The following TENM2 variants were observed in gnomAD, a reference collection of about 807,000 sequenced individuals.
TENM2 encodes the protein teneurin-2.
Under a neutral mutation model 245.2 loss-of-function variants are expected in TENM2, and 52 were observed. That is an observed-to-expected ratio of 0.21 (90% CI 0.17 to 0.27). The LOEUF is 0.27. Ranked by LOEUF, TENM2 falls within the 10% of genes least tolerant of loss-of-function variation. The pLI, the probability that TENM2 is intolerant of heterozygous loss-of-function variation, is 1.00. For missense variants in TENM2, 3,046 were observed against 3,666.8 expected (o/e 0.83, Z 4.37); for synonymous variants, 1,363 against 1,438.9 (o/e 0.95, Z 1.19).
intron 1 of TENM2, among the ~76,000 whole-genome samples, chr5:167,371,312 G>C (rs1376584074): frequency 6.7e-6 from 1 of 150,184 alleles, no homozygotes; most frequent in East Asian, 2.0e-4. Context: ...CTTGCACCAC[G>C]ATGTGACCTC....
At chr5:167,802,927 A>G (rs1303731687) in intron 2 of TENM2, among the ~76,000 whole-genome samples, 3 of 152,294 alleles carry the variant, frequency 2.0e-5, no homozygotes, top group Non-Finnish European at 4.4e-5. Flanking sequence ...TGTGAGTCCT[A>G]GAAATGATGG....
chr5:167,810,023 GT>G (rs1291318966), intron 2 of TENM2, among the ~76,000 whole-genome samples: 12 of 152,088 alleles, frequency 7.9e-5, no homozygotes, highest in Non-Finnish European at 1.8e-4. Flanking sequence ...GGGTGCCAAG[GT>G]TAGATCTTTA....
intron 4 of TENM2, among the ~76,000 whole-genome samples, chr5:167,956,542 C>T (rs1312958769): frequency 1.3e-5 from 2 of 152,140 alleles, no homozygotes; most frequent in Admixed American, 1.3e-4. Flanking sequence ...GCATCCTTGT[C>T]TTGTGCCGGT....
the TENM2 span, among the ~76,000 whole-genome samples, chr5:167,267,218 C>A: frequency 6.6e-6 from 1 of 152,114 alleles, no homozygotes; most frequent in African/African-American, 2.4e-5. Flanking sequence ...GTCATTCTTC[C>A]CAGCAATCCT....
intron 2 of TENM2, among the ~76,000 whole-genome samples, chr5:167,512,210 A>G (rs1051000629): frequency 6.6e-6 from 1 of 152,206 alleles, no homozygotes; most frequent in Admixed American, 6.5e-5. Context: ...CATGAAAAGT[A>G]TTTGAGAACA....
chr5:167,477,437 TGG>T (rs58501240), intron 2 of TENM2, among the ~76,000 whole-genome samples: 10 of 151,718 alleles, frequency 6.6e-5, no homozygotes, highest in Admixed American at 6.6e-4. Context: ...TGTTGGCGGG[TGG>T]GGGGGGAGGT....
the TENM2 span, among the ~76,000 whole-genome samples, chr5:167,180,235 G>T: frequency 3.3e-5 from 5 of 150,630 alleles, no homozygotes; most frequent in East Asian, 9.9e-4. Context: ...TCAGCCTCCT[G>T]AGTAGCTGGG....
At chr5:167,315,437 T>A (rs78018152) in intron 1 of TENM2, among the ~76,000 whole-genome samples, 1 of 152,210 alleles carries the variant, frequency 6.6e-6, no homozygotes, top group Non-Finnish European at 1.5e-5. Context: ...AGTGGTCATA[T>A]GCAAGGTGCC....
At chr5:167,147,061 A>G in the TENM2 span, among the ~76,000 whole-genome samples, 1 of 152,194 alleles carries the variant, frequency 6.6e-6, no homozygotes, top group South Asian at 2.1e-4. Flanking sequence ...AATATAGAGC[A>G]TATTTACAGA....
At chr5:168,197,030 T>C (rs1378955558) in intron 15 of TENM2, among the ~76,000 whole-genome samples, 3 of 152,152 alleles carry the variant, frequency 2.0e-5, no homozygotes, top group African/African-American at 7.2e-5. Context: ...CACAATCTGT[T>C]GCATAGTGGC....
the TENM2 span, among the ~76,000 whole-genome samples, chr5:167,272,310 C>G: frequency 1.3e-5 from 2 of 152,088 alleles, no homozygotes; most frequent in East Asian, 1.9e-4. Flanking sequence ...TTTTGGGAAA[C>G]AGGCAAAACA....
At chr5:167,232,610 A>G in the TENM2 span, among the ~76,000 whole-genome samples, 1 of 152,110 alleles carries the variant, frequency 6.6e-6, no homozygotes, top group Non-Finnish European at 1.5e-5. Flanking sequence ...TGACCTTGTG[A>G]TCTGCCTGCC....
At chr5:167,118,460 T>G in the TENM2 span, among the ~76,000 whole-genome samples, 4 of 152,206 alleles carry the variant, frequency 2.6e-5, no homozygotes, top group Non-Finnish European at 4.4e-5. Context: ...GTAGGGATAG[T>G]CAAGTGTAAT....
intron 3 of TENM2, among the ~76,000 whole-genome samples, chr5:167,933,862 A>G (rs1029918575): frequency 1.3e-5 from 2 of 152,166 alleles, no homozygotes; most frequent in Non-Finnish European, 1.5e-5. Flanking sequence ...ACCATTACCT[A>G]TGTAAAGTTC....
intron 4 of TENM2, 90 bp downstream of exon 6, chr5:167,952,912 G>C: frequency 9.5e-7 from 1 of 1,056,654 alleles, no homozygotes; most frequent in Non-Finnish European, 1.4e-6. Flanking sequence ...CAGAGTTCCA[G>C]TCGGAGAGAC....
chr5:167,874,942 C>T (rs1234507513), intron 2 of TENM2, among the ~76,000 whole-genome samples: 2 of 152,234 alleles, frequency 1.3e-5, no homozygotes, highest in African/African-American at 4.8e-5. Context: ...AGGGTGGGGA[C>T]ATTGGCCAAC....
At chr5:167,881,993 A>C (rs969593722) in intron 3 of TENM2, among the ~76,000 whole-genome samples, 1 of 152,186 alleles carries the variant, frequency 6.6e-6, no homozygotes, top group African/African-American at 2.4e-5. Context: ...CGGCACAAAG[A>C]GGTTAAGTAA....
chr5:168,018,980 C>T lies in TENM2; in HGVS notation c.1186+25798C>T, dbSNP rs539587553. ...TGAGCACGGGGAGAAGAAAAGGAGT[C>T]GTCTGTCTGTTGGTATCAGAGAGTA... On this transcript the variant is annotated intron_variant, in intron 5 of 28. Transcript: ENST00000518659. Among the ~76,000 whole-genome samples the T allele has an allele frequency of 7.2e-5, 11 of 152,172 alleles. No homozygotes were observed. The South Asian group carries it at 1.7e-3, about 23-fold the overall frequency.
chr5:168,239,529 G>A lies in TENM2; in HGVS notation c.5521-4891G>A, dbSNP rs1049204836. ...AACAGCAGTAAATCCCAGGGTGGCA[G>A]TCAGAGGTTAGGGACCCCTCTTCTT... is the stretch of plus-strand genomic sequence containing the variant. On this transcript the variant is annotated intron_variant, in intron 25 of 28. Coordinates refer to ENST00000518659, the Ensembl canonical transcript of TENM2. 2.6e-5 allele frequency among the ~76,000 whole-genome samples: 4 copies of A among 152,128 alleles called. No individual in the cohort carries two copies. In the East Asian group the frequency reaches 7.7e-4, roughly 29 times the overall value.
Sources: allele counts gnomAD v4.1 joint callset (sites outside exome capture counted in the v4.1 genomes callset), GRCh38; gene constraint gnomAD v4.1.1; transcripts MANE v1.5; gene names NCBI Gene and HGNC (gene_info 2026-07-23, HGNC 2026-07-21).